The following MAST4 variants were observed in gnomAD, a reference collection of about 807,000 sequenced individuals.
MAST4 encodes the protein microtubule-associated serine/threonine-protein kinase 4.
MAST4 carries 89 observed loss-of-function variants against 162.7 expected under a neutral mutation model. The ratio of observed to expected loss-of-function variants is 0.55; its 90% CI spans 0.46 to 0.65. The LOEUF is 0.65. MAST4 is among the 30% of genes least tolerant of loss of function. MAST4 has a pLI of 0.00. For synonymous variants in MAST4, 1,479 were observed against 1,361.1 expected (o/e 1.09, Z -1.91); for missense variants, 3,153 against 3,374.0 (o/e 0.93, Z 1.62).
chr5:67,068,353 C>T (rs575546841), intron 5 of MAST4, among the ~76,000 whole-genome samples: 7 of 152,144 alleles, frequency 4.6e-5, no homozygotes, highest in Non-Finnish European at 1.0e-4. Flanking sequence ...AACTTACAAT[C>T]ATGGCGGAAG....
intron 3 of MAST4, among the ~76,000 whole-genome samples, chr5:66,790,142 A>G (rs866779764): frequency 2.6e-5 from 4 of 152,036 alleles, no homozygotes; most frequent in Non-Finnish European, 2.9e-5. Context: ...ATTGATGAAG[A>G]TGCAAATGAT....
intron 19 of MAST4, 23 bp from the exon 20 acceptor site, chr5:67,142,092 T>C (rs1770464534): frequency 6.2e-7 from 1 of 1,608,500 alleles, no homozygotes. Context: ...CTTTCCTCTC[T>C]GTCTCTACCT....
chr5:67,076,099 GAA>G (rs569293001), intron 5 of MAST4, among the ~76,000 whole-genome samples: 1 of 149,080 alleles, frequency 6.7e-6, no homozygotes, highest in Non-Finnish European at 1.5e-5. Flanking sequence ...TTCTGGGAAA[GAA>G]AAAAAAAATT....
chr5:66,919,687 A>G (rs1288230771), intron 4 of MAST4, among the ~76,000 whole-genome samples: 2 of 151,416 alleles, frequency 1.3e-5, no homozygotes, highest in African/African-American at 4.9e-5. Context: ...AAAGAGAAAA[A>G]GGTGATAAAC....
At chr5:66,915,266 CAAAAA>C (rs70987147) in intron 4 of MAST4, among the ~76,000 whole-genome samples, 1 of 83,626 alleles carries the variant, frequency 1.2e-5, no homozygotes, top group African/African-American at 4.3e-5. Context: ...ACTCTTGTCT[CAAAAA>C]AAAAAAAAAA....
intron 4 of MAST4, among the ~76,000 whole-genome samples, chr5:67,019,868 A>G (rs964663601): frequency 6.6e-6 from 1 of 152,200 alleles, no homozygotes; most frequent in African/African-American, 2.4e-5. Flanking sequence ...GACTTCCAAA[A>G]CCGTCTAGTT....
rs1189612623 is a variant in MAST4, at chr5:67,152,773, C to T, written c.3432C>T (p.Ile1144=). The T allele has an allele frequency of 2.5e-6, 4 of 1,613,954 alleles. No individual in the cohort carries two copies. The highest frequency in any genetic ancestry group is 3.4e-6 in the Non-Finnish European group (4 of 1,179,912). Residue 1144 remains isoleucine (I), a synonymous_variant, in exon 25 of 29, where the codon ATC becomes ATT. Transcript: ENST00000403625. ...CCAGTCCACATCAGCCGATTGTGAT[C>T]CACAGTTCGGGGAAGAACTACGGCT... The part of the protein sequence containing the change: ...ASASPHQPIV[I]HSSGKNYGFT...
rs576653561 is a variant in MAST4, at chr5:66,684,250, G to A, written c.364-75459G>A. ...GCCCTCTCCCTGCATGGCCATCCTG[G>A]CTAGCCTACCACAGCACTTAAAGGC... On this transcript the variant is annotated intron_variant, in intron 1 of 28. Transcript: ENST00000403625. Among the ~76,000 whole-genome samples, 11 of 152,294 alleles carry A rather than the reference G, an allele frequency of 7.2e-5. No individual in the cohort carries two copies. In the South Asian group the frequency reaches 1.2e-3, roughly 17 times the overall value.
At chr5:66,695,920 C>T (rs1390128491) in intron 1 of MAST4, among the ~76,000 whole-genome samples, 2 of 152,082 alleles carry the variant, frequency 1.3e-5, no homozygotes, top group Non-Finnish European at 2.9e-5. Context: ...TATTGCAGTA[C>T]TATTCACAAT....
At chr5:66,652,562 A>G (rs187212487) in intron 1 of MAST4, among the ~76,000 whole-genome samples, 341 of 152,336 alleles carry the variant, frequency 2.2e-3, no homozygotes, top group Admixed American at 4.2e-3. Context: ...AAAAGATGTA[A>G]AAAACAATTT....
chr5:67,047,125 C>T (rs965376662), intron 4 of MAST4, among the ~76,000 whole-genome samples: 1 of 152,218 alleles, frequency 6.6e-6, no homozygotes, highest in Admixed American at 6.5e-5. Context: ...CAGTAAAATA[C>T]TATATTTGAA....
rs188341073 is a variant in MAST4 at position 67,148,354 on chromosome 5, C to T, written c.3095-1035C>T. On this transcript the variant is annotated intron_variant, in intron 23 of 28. Coordinates refer to ENST00000403625, the MANE Select transcript of MAST4 (RefSeq NM_001164664.2). Reference sequence around the variant, plus strand: ...TTTTAAAGAAAAACACGATAGAAAACCGATAACCTGGGAAAGAAAAAGTAG... The same window carrying T: ...TTTTAAAGAAAAACACGATAGAAAATCGATAACCTGGGAAAGAAAAAGTAG... Among the ~76,000 whole-genome samples the T allele has an allele frequency of 2.2e-3, 341 of 152,152 alleles. 3 individuals are homozygous for T. The highest frequency in any genetic ancestry group is 5.7e-4 in the Non-Finnish European group (39 of 67,996).
chr5:66,655,215 T>C (rs1228542454), intron 1 of MAST4, among the ~76,000 whole-genome samples: 3 of 152,166 alleles, frequency 2.0e-5, no homozygotes, highest in African/African-American at 7.2e-5. Flanking sequence ...GTGTTGATGC[T>C]TTCATGTTAG....
intron 1 of MAST4, among the ~76,000 whole-genome samples, chr5:66,611,867 G>A (rs1445422656): frequency 6.6e-6 from 1 of 152,226 alleles, no homozygotes; most frequent in Admixed American, 6.5e-5. Context: ...TCATTTGAAT[G>A]AAAAGTGGTG....
chr5:66,979,115 A>G (rs931274385), intron 4 of MAST4, among the ~76,000 whole-genome samples: 6 of 152,234 alleles, frequency 3.9e-5, no homozygotes, highest in Admixed American at 3.9e-4. Context: ...ATAACAATCC[A>G]TTTTGAAGAT....
chr5:66,944,189 A>T (rs2150111531), intron 4 of MAST4, among the ~76,000 whole-genome samples: 1 of 152,230 alleles, frequency 6.6e-6, no homozygotes, highest in African/African-American at 2.4e-5. Flanking sequence ...GTTGCATTGC[A>T]TCTGTTTCTA....
intron 4 of MAST4, among the ~76,000 whole-genome samples, chr5:66,936,104 ACTT>A (rs948948637): frequency 6.6e-6 from 1 of 152,112 alleles, no homozygotes; most frequent in Non-Finnish European, 1.5e-5. Flanking sequence ...AGTCTTTATC[ACTT>A]CTTTGACAGT....
intron 3 of MAST4, among the ~76,000 whole-genome samples, chr5:66,890,691 G>A (rs1190909117): frequency 1.3e-5 from 2 of 152,174 alleles, no homozygotes; most frequent in Non-Finnish European, 2.9e-5. Context: ...CAGCCTGATA[G>A]CCTACAGGAG....
chr5:67,058,647 T>A (rs115803345), intron 5 of MAST4, among the ~76,000 whole-genome samples: 312 of 152,334 alleles, frequency 2.0e-3, no homozygotes, highest in Non-Finnish European at 2.3e-3. Flanking sequence ...CAAGATACAT[T>A]GTTAGGTGAA....
Sources: gnomAD v4.1 joint callset for allele counts (sites outside exome capture counted in the v4.1 genomes callset) on GRCh38, gnomAD v4.1.1 for gene constraint, MANE v1.5 for transcripts, NCBI Gene and HGNC (gene_info 2026-07-23, HGNC 2026-07-21) for gene names.